Variants in FAF1 observed in about 807,000 individuals in gnomAD.
FAF1 encodes the protein FAS-associated factor 1.
FAF1 carries 25 observed loss-of-function variants against 92.5 expected under a neutral mutation model. The observed-to-expected ratio is 0.27, with a 90% confidence interval of 0.20 to 0.38. The LOEUF (loss-of-function observed/expected upper bound fraction) is 0.38, where lower values mean the gene tolerates loss of function less well. Among genes scored for constraint, FAF1 ranks in the 10% least tolerant of loss-of-function variants. The pLI is 1.00. For synonymous variants in FAF1, 234 were observed against 273.2 expected (o/e 0.86, Z 1.42); for missense variants, 636 against 793.3 (o/e 0.80, Z 2.38).
intron 8 of FAF1, among the ~76,000 whole-genome samples, chr1:50,646,152 C>T (rs961736170): frequency 6.6e-6 from 1 of 152,152 alleles, no homozygotes; most frequent in Non-Finnish European, 1.5e-5. Flanking sequence ...CATTAAGTAA[C>T]ATCTAAATAA....
chr1:50,886,776 C>T (rs551206121), intron 1 of FAF1, among the ~76,000 whole-genome samples: 1 of 152,188 alleles, frequency 6.6e-6, no homozygotes, highest in Non-Finnish European at 1.5e-5. Flanking sequence ...TCCAGTCTAT[C>T]ATTGATGGAC....
intron 14 of FAF1, among the ~76,000 whole-genome samples, chr1:50,538,110 T>C (rs1458525948): frequency 1.4e-5 from 2 of 146,974 alleles, no homozygotes; most frequent in African/African-American, 2.5e-5. Flanking sequence ...TATAGGATAT[T>C]AAAAAAAAAA....
intron 1 of FAF1, among the ~76,000 whole-genome samples, chr1:50,905,062 GTGTGTGA>G (rs2124713713): frequency 6.6e-6 from 1 of 152,156 alleles, no homozygotes; most frequent in South Asian, 2.1e-4. Flanking sequence ...ACAGGCCCCG[GTGTGTGA>G]TGTTCCCCAC....
chr1:50,511,927 G>T (rs999067113), intron 15 of FAF1, among the ~76,000 whole-genome samples: 8 of 152,090 alleles, frequency 5.3e-5, no homozygotes, highest in Non-Finnish European at 7.4e-5. Flanking sequence ...ACTTTTTAAT[G>T]ATCGCCATTC....
chr1:50,479,763 T>C (rs78429255), intron 17 of FAF1, among the ~76,000 whole-genome samples: 3,753 of 152,286 alleles, frequency 0.025, 167 homozygotes, highest in African/African-American at 0.086. Flanking sequence ...CCTCAATGTA[T>C]ACAGTCTCCA....
At chr1:50,483,356 AT>A (rs967147994) in intron 17 of FAF1, among the ~76,000 whole-genome samples, 1 of 150,750 alleles carries the variant, frequency 6.6e-6, no homozygotes, top group Non-Finnish European at 1.5e-5. Context: ...TCATGGGTCC[AT>A]TTTTTTTTGT....
chr1:50,637,295 A>G (rs1341561317), intron 8 of FAF1, among the ~76,000 whole-genome samples: 1 of 145,992 alleles, frequency 6.8e-6, no homozygotes, highest in Non-Finnish European at 1.5e-5. Context: ...AAAAAAAAAA[A>G]TACAAAAATT....
intron 8 of FAF1, among the ~76,000 whole-genome samples, chr1:50,598,273 G>A (rs753582491): frequency 9.9e-5 from 15 of 151,702 alleles, no homozygotes; most frequent in Non-Finnish European, 1.5e-4. Context: ...TCCAGCTTGG[G>A]TGACAGAGTG....
chr1:50,520,588 T>C (rs1202235057), intron 15 of FAF1, among the ~76,000 whole-genome samples: 2 of 152,226 alleles, frequency 1.3e-5, no homozygotes, highest in Non-Finnish European at 2.9e-5. Context: ...GGCTCGCTCC[T>C]GTAATCCCAG....
At chr1:50,790,900 T>C (rs116691517) in intron 3 of FAF1, among the ~76,000 whole-genome samples, 3,624 of 152,298 alleles carry the variant, frequency 0.024, 69 homozygotes, top group Non-Finnish European at 0.036. Flanking sequence ...TTTTAAAGAT[T>C]AGAATAGAAA....
chr1:50,518,141 A>G (rs565801061), intron 15 of FAF1, among the ~76,000 whole-genome samples: 23 of 151,988 alleles, frequency 1.5e-4, no homozygotes, highest in African/African-American at 5.5e-4. Context: ...AATACTCTCT[A>G]GCAGCCGCTG....
At chr1:50,798,812 G>A (rs568473112) in intron 3 of FAF1, among the ~76,000 whole-genome samples, 2 of 152,268 alleles carry the variant, frequency 1.3e-5, no homozygotes, top group East Asian at 1.9e-4. Context: ...AAAAAACCAA[G>A]CTGTGGAAGA....
chr1:50,836,170 G>GTTTTTTGTTTT lies in FAF1; in HGVS notation c.114+21758_114+21759insAAAACAAAAAA, dbSNP rs1553144966. On this transcript the variant is annotated intron_variant, in intron 2 of 18. Transcript: ENST00000396153. ...GTGTGTGTTTTTGTTTTTTGTTTCTGTTTTTTTTTTTTTTTTTTTAGACAG... is the reference window on the plus strand; with the variant it reads ...GTGTGTGTTTTTGTTTTTTGTTTCTGTTTTTTGTTTTTTTTTTTTTTTTTTTTTTTAGACAG... 2.4e-3 allele frequency among the ~76,000 whole-genome samples: 233 copies of GTTTTTTGTTTT among 98,492 alleles called. 5 individuals are homozygous for GTTTTTTGTTTT. The highest frequency in any genetic ancestry group is 3.9e-3 in the Admixed American group (35 of 8,982). 64.6% of individuals were successfully genotyped at this position (98,492 alleles called of 152,430 possible).
At position 50,585,048 on chromosome 1, in the gene FAF1, T is replaced by C. The variant is rs541804534; in HGVS notation, c.841-237A>G. Among the ~76,000 whole-genome samples the C allele has an allele frequency of 1.1e-3, 168 of 152,302 alleles. 1 individual carries two copies. The highest frequency in any genetic ancestry group is 2.1e-3 in the Non-Finnish European group (141 of 68,014). The stretch of plus-strand genomic sequence containing the variant: ...CGGGAAATGAAGAATGCTTACAAAC[T>C]AAATAAAGACAGGGATTTTTGTCTT... On this transcript the variant is annotated intron_variant, in intron 9 of 18. Transcript: ENST00000396153.
chr1:50,610,481 T>G (rs998874173), intron 8 of FAF1, among the ~76,000 whole-genome samples: 3 of 152,232 alleles, frequency 2.0e-5, no homozygotes, highest in African/African-American at 7.2e-5. Flanking sequence ...ACAATTTATA[T>G]TTCACGTTAA....
chr1:50,762,459 C>G (rs1439070673), intron 4 of FAF1, among the ~76,000 whole-genome samples: 1 of 151,202 alleles, frequency 6.6e-6, no homozygotes, highest in African/African-American at 2.4e-5. Context: ...GCTACAGTAA[C>G]CAAAACAGCA....
chr1:50,537,645 T>C (rs1200479317), intron 14 of FAF1, among the ~76,000 whole-genome samples: 1 of 152,186 alleles, frequency 6.6e-6, no homozygotes, highest in Non-Finnish European at 1.5e-5. Context: ...TTATGAAACA[T>C]GACTATTTTC....
chr1:50,682,964 T>C (rs2124371452), intron 7 of FAF1, among the ~76,000 whole-genome samples: 1 of 147,292 alleles, frequency 6.8e-6, no homozygotes, highest in African/African-American at 2.5e-5. Flanking sequence ...ACCTGGCAGG[T>C]GCAGGCTGCA....
intron 1 of FAF1, among the ~76,000 whole-genome samples, chr1:50,930,200 C>T (rs1268039928): frequency 6.6e-6 from 1 of 152,040 alleles, no homozygotes; most frequent in African/African-American, 2.4e-5. Context: ...TCAATTACAG[C>T]CTGTTAATGA....
Sources: allele counts gnomAD v4.1 joint callset (sites outside exome capture counted in the v4.1 genomes callset), GRCh38; gene constraint gnomAD v4.1.1; transcripts MANE v1.5; gene names NCBI Gene and HGNC (gene_info 2026-07-23, HGNC 2026-07-21).